Variants in AKR1A1 observed in about 807,000 individuals in gnomAD.
AKR1A1 encodes the protein aldo-keto reductase family 1 member A1.
In AKR1A1, 26 loss-of-function variants were observed where a neutral mutation model predicts 39.2. The ratio of observed to expected loss-of-function variants is 0.66; its 90% CI spans 0.49 to 0.92. The LOEUF is 0.92. Ranked by LOEUF, AKR1A1 falls within the 40% of genes least tolerant of loss-of-function variation. The pLI is 0.00. For synonymous variants in AKR1A1, 141 were observed against 155.5 expected, an observed-to-expected ratio of 0.91 and a Z score of 0.69; for missense variants, 378 against 406.5, an observed-to-expected ratio of 0.93 and a Z score of 0.60.
intron 4 of AKR1A1, 160 bp downstream of exon 4, chr1:45,567,180 C>T (rs1451869767): frequency 4.1e-6 from 4 of 972,244 alleles, no homozygotes; most frequent in Non-Finnish European, 6.0e-6. Context: ...GCTACAGCAG[C>T]TTAGCTGTAG....
intron 5 of AKR1A1, 108 bp downstream of exon 5, chr1:45,568,285 T>G: frequency 7.3e-7 from 1 of 1,368,524 alleles, no homozygotes; most frequent in Non-Finnish European, 1.0e-6. Flanking sequence ...GTCAGAGTGT[T>G]GGTGCAGAAG....
chr1:45,561,710 A>G, intron 1 of AKR1A1, 79 bp from the exon 2 acceptor site: 1 of 1,424,880 alleles, frequency 7.0e-7, no homozygotes, highest in Non-Finnish European at 9.9e-7. Flanking sequence ...GGCGCTTTGC[A>G]GTATTCTTGA....
chr1:45,569,069 A>C, intron 7 of AKR1A1, 70 bp downstream of exon 7: 1 of 1,604,016 alleles, frequency 6.2e-7, no homozygotes, highest in Non-Finnish European at 8.5e-7. Flanking sequence ...CTACCTGGCT[A>C]AAAAGGCAGT....
chr1:45,564,287 G>A (rs1036805014), intron 2 of AKR1A1, among the ~76,000 whole-genome samples: 2 of 152,120 alleles, frequency 1.3e-5, no homozygotes, highest in Non-Finnish European at 2.9e-5. Context: ...GCCAAGGCGG[G>A]GCATGGAACA....
intron 2 of AKR1A1, among the ~76,000 whole-genome samples, chr1:45,564,564 A>C (rs1644315544): frequency 6.6e-6 from 1 of 151,820 alleles, no homozygotes; most frequent in Non-Finnish European, 1.5e-5. Context: ...CAGCCTACTT[A>C]TCTGCCTTCC....
At chr1:45,553,020 G>A (rs1644151678) in intron 1 of AKR1A1, among the ~76,000 whole-genome samples, 1 of 151,952 alleles carries the variant, frequency 6.6e-6, no homozygotes, top group Non-Finnish European at 1.5e-5. Context: ...AGCTACTGGG[G>A]AGGCTGAGGC....
intron 4 of AKR1A1, 23 bp downstream of exon 4, chr1:45,567,043 C>T (rs748330144): frequency 1.2e-6 from 2 of 1,610,366 alleles, no homozygotes; most frequent in East Asian, 2.2e-5. Flanking sequence ...AGAGCCTCAT[C>T]TGGGGAATCA....
At chr1:45,568,464 A>G (rs1570918214) in intron 5 of AKR1A1, 21 bp from the exon 6 acceptor site, 1 of 1,613,030 alleles carries the variant, frequency 6.2e-7, no homozygotes. Flanking sequence ...CTTCATGGTG[A>G]TGGGTTATTC....
Position 45,567,667 on chromosome 1 carries a change from A to G in AKR1A1, c.357-315A>G, listed in dbSNP as rs1644361246. On this transcript the variant is annotated intron_variant, in intron 4 of 8. Transcript: ENST00000351829. ...ACGGTGAAACCCCGTCTCTACTAAAAATACAAAAAATTAGCTGCGCGTGGT... is the reference window on the plus strand; with the variant it reads ...ACGGTGAAACCCCGTCTCTACTAAAGATACAAAAAATTAGCTGCGCGTGGT... 4 of 187,228 alleles carry G rather than the reference A, an allele frequency of 2.1e-5. No individual in the cohort carries two copies. In the South Asian group the frequency reaches 3.8e-4, roughly 18 times the overall value. The allele number at this position is 187,228 out of a possible 1,614,324, so 11.6% of individuals were successfully genotyped here. A position where few individuals can be genotyped will look rare whatever the true frequency, so the allele number is the denominator to read the frequency against.
At chr1:45,558,996 G>A (rs1644243578) in intron 1 of AKR1A1, among the ~76,000 whole-genome samples, 1 of 152,188 alleles carries the variant, frequency 6.6e-6, no homozygotes, top group Non-Finnish European at 1.5e-5. Flanking sequence ...CTCTTGGTGT[G>A]AACATTCTCT....
intron 1 of AKR1A1, among the ~76,000 whole-genome samples, chr1:45,558,386 G>A (rs569629069): frequency 4.8e-5 from 7 of 146,902 alleles, no homozygotes; most frequent in Admixed American, 1.4e-4. Flanking sequence ...GTGCCACCAC[G>A]CCCAGCTAAT....
At chr1:45,556,770 G>A (rs9429085) in intron 1 of AKR1A1, among the ~76,000 whole-genome samples, 75,065 of 151,338 alleles carry the variant, frequency 0.5, 18,715 homozygotes, top group East Asian at 0.61. Context: ...CCAGCTACTC[G>A]GGAGGCTGAG....
chr1:45,559,809 G>A (rs1234779419), intron 1 of AKR1A1, among the ~76,000 whole-genome samples: 4 of 149,638 alleles, frequency 2.7e-5, no homozygotes, highest in East Asian at 2.0e-4. Flanking sequence ...CACCATGCCC[G>A]GCTAATTTTT....
chr1:45,560,395 T>G (rs1414503240), intron 1 of AKR1A1, among the ~76,000 whole-genome samples: 1 of 152,172 alleles, frequency 6.6e-6, no homozygotes, highest in African/African-American at 2.4e-5. Flanking sequence ...GCTGGATAGC[T>G]TGAGGTCAGA....
rs756368313 is a variant in AKR1A1 at position 45,568,067 on chromosome 1, G to A, written c.442G>A (p.Glu148Lys). Residue 148 changes from glutamate to lysine, a missense_variant, in exon 5 of 9, where the codon GAG becomes AAG. Transcript: ENST00000351829. ...CTACAAGGAGACTTGGAAGGCTCTG[G>A]AGGCACTGGTGGCTAAGGGGCTGGT... ...THYKETWKAL[E>K]ALVAKGLVQA... 6.2e-7 allele frequency: 1 copy of A among 1,614,040 alleles called. No individual in the cohort carries two copies. The highest frequency in any genetic ancestry group is 1.3e-5 in the African/African-American group (1 of 75,000).
At chr1:45,557,912 C>CTTTTTTTTTTTTTTTTTTTTTTT (rs67386168) in intron 1 of AKR1A1, among the ~76,000 whole-genome samples, 2 of 112,218 alleles carry the variant, frequency 1.8e-5, no homozygotes, top group Admixed American at 1.0e-4. Context: ...CACAACTTGT[C>CTTTTTTTTTTTTTTTTTTTTTTT]TTTTTTTTTT....
chr1:45,567,142 A>G (rs1644354707), intron 4 of AKR1A1, 122 bp downstream of exon 4: 4 of 1,349,688 alleles, frequency 3.0e-6, no homozygotes, highest in Non-Finnish European at 4.0e-6. Context: ...CAAGCTGAGG[A>G]GCTTGACATG....
intron 1 of AKR1A1, among the ~76,000 whole-genome samples, chr1:45,561,023 G>T (rs1192992221): frequency 6.6e-6 from 1 of 152,124 alleles, no homozygotes; most frequent in Non-Finnish European, 1.5e-5. Context: ...CACCGTGCCT[G>T]GCCGAGAATC....
chr1:45,567,466 A>G, intron 4 of AKR1A1: 1 of 163,874 alleles, frequency 6.1e-6, no homozygotes, highest in Admixed American at 6.0e-5. Context: ...ACGTCTAGGA[A>G]GAGGAGGGGG....
Sources: gnomAD v4.1 joint callset for allele counts (sites outside exome capture counted in the v4.1 genomes callset) on GRCh38, gnomAD v4.1.1 for gene constraint, MANE v1.5 for transcripts, NCBI Gene and HGNC (gene_info 2026-07-23, HGNC 2026-07-21) for gene names.